SHTN1: variants seen among roughly 807,000 people sequenced by gnomAD.
SHTN1 encodes the protein shootin 1.
Under a neutral mutation model 83.1 loss-of-function variants are expected in SHTN1, and 42 were observed. The observed-to-expected ratio is 0.51, with a 90% CI of 0.39 to 0.65. The LOEUF is 0.65. Among genes scored for constraint, SHTN1 ranks in the 30% least tolerant of loss-of-function variants. The pLI is 0.00. For synonymous variants in SHTN1, 224 were observed against 247.7 expected (o/e 0.90, Z 0.90); for missense variants, 622 against 737.8 (o/e 0.84, Z 1.82).
intron 1 of SHTN1, among the ~76,000 whole-genome samples, chr10:117,105,812 G>A (rs745829273): frequency 6.6e-6 from 1 of 152,286 alleles, no homozygotes; most frequent in East Asian, 1.9e-4. Flanking sequence ...GAGCACAGGA[G>A]TTCGAGACAG....
At chr10:116,900,463 G>T in intron 16 of SHTN1, 2 of 1,294,972 alleles carry the variant, frequency 1.5e-6, no homozygotes, top group Non-Finnish European at 2.2e-6. Flanking sequence ...TCTTGGAAAT[G>T]TAATTTCCAC....
At chr10:116,987,581 A>G (rs1475491090) in intron 1 of SHTN1, among the ~76,000 whole-genome samples, 1 of 152,190 alleles carries the variant, frequency 6.6e-6, no homozygotes, top group East Asian at 1.9e-4. Context: ...GATTCCAATT[A>G]TATGACATTC....
chr10:116,909,408 G>A (rs1848102642), intron 14 of SHTN1, among the ~76,000 whole-genome samples: 1 of 152,156 alleles, frequency 6.6e-6, no homozygotes, highest in Non-Finnish European at 1.5e-5. Flanking sequence ...ATTGCTTTTA[G>A]TTCTTTGATT....
At chr10:117,095,501 T>G (rs1040529805) in intron 1 of SHTN1, among the ~76,000 whole-genome samples, 1 of 152,198 alleles carries the variant, frequency 6.6e-6, no homozygotes, top group Non-Finnish European at 1.5e-5. Flanking sequence ...TCTAGAGTTA[T>G]GTATAAAACC....
intron 1 of SHTN1, among the ~76,000 whole-genome samples, chr10:117,083,814 C>A (rs1301784523): frequency 6.6e-6 from 1 of 152,148 alleles, no homozygotes; most frequent in African/African-American, 2.4e-5. Context: ...ATTGCTGATA[C>A]CCTTTCTTCC....
chr10:116,994,173 G>A (rs1851545765), intron 1 of SHTN1, among the ~76,000 whole-genome samples: 1 of 152,054 alleles, frequency 6.6e-6, no homozygotes, highest in African/African-American at 2.4e-5. Flanking sequence ...TTTTTGGTGA[G>A]AAAGTTATAA....
intron 2 of SHTN1, among the ~76,000 whole-genome samples, chr10:117,030,889 A>G (rs1852405807): frequency 6.6e-6 from 1 of 152,180 alleles, no homozygotes; most frequent in Non-Finnish European, 1.5e-5. Flanking sequence ...GGCAAATCTA[A>G]GAGTTATAGG....
At chr10:117,119,446 CT>C (rs1205485611) in intron 1 of SHTN1, among the ~76,000 whole-genome samples, 1 of 152,124 alleles carries the variant, frequency 6.6e-6, no homozygotes, top group Non-Finnish European at 1.5e-5. Context: ...TGAAAAGGTG[CT>C]CAACATCACT....
intron 1 of SHTN1, among the ~76,000 whole-genome samples, chr10:117,088,197 T>C (rs533608396): frequency 2.0e-5 from 3 of 152,328 alleles, no homozygotes; most frequent in African/African-American, 7.2e-5. Context: ...ACTAGGTGAA[T>C]GCAGAAAACT....
At chr10:116,983,066 G>A (rs1475713837) in intron 1 of SHTN1, among the ~76,000 whole-genome samples, 1 of 152,080 alleles carries the variant, frequency 6.6e-6, no homozygotes, top group Non-Finnish European at 1.5e-5. Context: ...TACAGGTACA[G>A]TATATTTCAC....
At chr10:117,033,227 C>A (rs1852446058) in intron 2 of SHTN1, among the ~76,000 whole-genome samples, 1 of 151,130 alleles carries the variant, frequency 6.6e-6, no homozygotes, top group African/African-American at 2.4e-5. Flanking sequence ...GAAAAAAATA[C>A]AAAAGATTGA....
At chr10:117,051,922 A>C in intron 1 of SHTN1, among the ~76,000 whole-genome samples, 1 of 149,074 alleles carries the variant, frequency 6.7e-6, no homozygotes, top group East Asian at 2.0e-4. Flanking sequence ...CAGAATAATT[A>C]GGCAAGGAAA....
chr10:117,047,139 A>G (rs34599803), intron 2 of SHTN1, among the ~76,000 whole-genome samples: 3 of 152,164 alleles, frequency 2.0e-5, no homozygotes, highest in African/African-American at 7.2e-5. Context: ...ATCTCAGCAC[A>G]CTGCAACCTC....
intron 2 of SHTN1, among the ~76,000 whole-genome samples, chr10:117,031,761 T>C (rs1159692546): frequency 6.6e-6 from 1 of 151,948 alleles, no homozygotes; most frequent in East Asian, 1.9e-4. Context: ...ACACAAAATA[T>C]GTAAGAAGCA....
At chr10:117,007,398 G>A (rs928856299), upstream of SHTN1, among the ~76,000 whole-genome samples, 1 of 151,452 alleles carries the variant, frequency 6.6e-6, no homozygotes, top group Non-Finnish European at 1.5e-5. Flanking sequence ...TTAAGAATGA[G>A]TTAATTATCA....
chr10:116,964,986 A>T (rs1250134054), intron 3 of SHTN1, among the ~76,000 whole-genome samples: 1 of 152,078 alleles, frequency 6.6e-6, no homozygotes, highest in Non-Finnish European at 1.5e-5. Flanking sequence ...TAAATAAATA[A>T]ATAAAAAGAT....
At chr10:117,014,545 A>G (rs959383289) in intron 2 of SHTN1, among the ~76,000 whole-genome samples, 2 of 152,168 alleles carry the variant, frequency 1.3e-5, no homozygotes, top group East Asian at 3.8e-4. Flanking sequence ...TGGGTTAGCA[A>G]TTCTCAAACT....
At chr10:116,969,677 A>G (rs1282934219) in intron 2 of SHTN1, among the ~76,000 whole-genome samples, 1 of 152,232 alleles carries the variant, frequency 6.6e-6, no homozygotes, top group Non-Finnish European at 1.5e-5. Flanking sequence ...AAAGGCAAAA[A>G]TAACTATTAG....
chr10:117,018,122 T>C (rs11197866), intron 2 of SHTN1, among the ~76,000 whole-genome samples: 39,897 of 152,002 alleles, frequency 0.26, 5,265 homozygotes, highest in East Asian at 0.3. Context: ...AAAAAGGGCA[T>C]TAGTGAAAAA....
Sources: allele counts gnomAD v4.1 joint callset (sites outside exome capture counted in the v4.1 genomes callset), GRCh38; gene constraint gnomAD v4.1.1; transcripts MANE v1.5; gene names NCBI Gene and HGNC (gene_info 2026-07-23, HGNC 2026-07-21).